FOCAD: variants seen among roughly 807,000 people sequenced by gnomAD.
FOCAD encodes the protein focadhesin.
A neutral mutation model predicts 225.6 loss-of-function variants in FOCAD; 198 were observed. That is an observed-to-expected ratio of 0.88 (90% confidence interval 0.78 to 0.99). FOCAD has a LOEUF of 0.99. Among genes scored for constraint, FOCAD ranks in the 50% least tolerant of loss-of-function variants. FOCAD has a pLI of 0.00. For synonymous variants in FOCAD, 897 were observed against 755.0 expected (o/e 1.19, Z -3.08); for missense variants, 2,713 against 2,123.6 (o/e 1.28, Z -5.46).
intron 35 of FOCAD, among the ~76,000 whole-genome samples, chr9:20,974,826 G>A (rs1052826502): frequency 5.3e-5 from 8 of 152,006 alleles, no homozygotes; most frequent in African/African-American, 1.9e-4. Context: ...CATTTCTGCT[G>A]CTGTTTTCAC....
intron 21 of FOCAD, among the ~76,000 whole-genome samples, chr9:20,893,762 T>C (rs909320322): frequency 2.0e-5 from 3 of 152,028 alleles, no homozygotes; most frequent in African/African-American, 7.2e-5. Flanking sequence ...TATGGAGCAT[T>C]CCCATACAAC....
At chr9:20,975,101 GCTGATGCTAATTTCCTTTCTA>G (rs1051724795) in intron 35 of FOCAD, among the ~76,000 whole-genome samples, 36 of 151,926 alleles carry the variant, frequency 2.4e-4, no homozygotes, top group African/African-American at 8.7e-4. Context: ...TTCTCTTTCT[GCTGATGCTAATTTCCTTTCTA>G]CTGCCGATGT....
chr9:20,763,697 A>T (rs1304350043), intron 6 of FOCAD, among the ~76,000 whole-genome samples: 1 of 152,184 alleles, frequency 6.6e-6, no homozygotes, highest in Non-Finnish European at 1.5e-5. Context: ...TAAAGACCTG[A>T]AAGGAGTTTA....
At chr9:20,775,803 C>A (rs183046631) in intron 8 of FOCAD, among the ~76,000 whole-genome samples, 3 of 152,222 alleles carry the variant, frequency 2.0e-5, no homozygotes, top group Admixed American at 2.0e-4. Context: ...GTTACTGGGA[C>A]TCCTCCGACA....
chr9:20,874,319 A>G (rs1171951393), intron 18 of FOCAD: 1 of 172,842 alleles, frequency 5.8e-6, no homozygotes, highest in Non-Finnish European at 1.2e-5. Context: ...TCTAACTATG[A>G]GCTATAGAAG....
At chr9:20,904,698 A>G (rs1457327595) in intron 21 of FOCAD, among the ~76,000 whole-genome samples, 1 of 152,020 alleles carries the variant, frequency 6.6e-6, no homozygotes, top group Non-Finnish European at 1.5e-5. Flanking sequence ...TATAGAAAAA[A>G]ATTTCACACA....
Position 20,931,922 on chromosome 9 carries a change from G to C in FOCAD, c.3318-1092G>C, listed in dbSNP as rs532244201. 4.6e-5 allele frequency among the ~76,000 whole-genome samples: 7 copies of C among 151,778 alleles called. No individual in the cohort carries two copies. In the South Asian group the frequency reaches 6.2e-4, roughly 14 times the overall value. On this transcript the variant is annotated intron_variant, in intron 27 of 43. Coordinates refer to ENST00000338382, the MANE Select transcript of FOCAD (RefSeq NM_001375567.1). ...TATCTCAAAAAAAAAAAAAAAAAGG[G>C]GGGGAGAATTATGAAAATCATTTCA...
chr9:20,793,490 T>A (rs1390911914), intron 11 of FOCAD, among the ~76,000 whole-genome samples: 1 of 152,192 alleles, frequency 6.6e-6, no homozygotes, highest in East Asian at 1.9e-4. Context: ...TTCTGATTGG[T>A]CTACAGATTA....
intron 24 of FOCAD, among the ~76,000 whole-genome samples, chr9:20,921,333 A>G (rs12353255): frequency 0.63 from 95,472 of 152,042 alleles, 30,525 homozygotes; most frequent in South Asian, 0.7. Context: ...TTTAATTAAA[A>G]CGTCGGTGGT....
At chr9:20,959,701 A>AT (rs1331344986) in intron 35 of FOCAD, among the ~76,000 whole-genome samples, 1 of 151,870 alleles carries the variant, frequency 6.6e-6, no homozygotes, top group African/African-American at 2.4e-5. Flanking sequence ...TTTTGAATTG[A>AT]TTTTTGTAGG....
chr9:20,871,640 G>T (rs1288374567), intron 18 of FOCAD, among the ~76,000 whole-genome samples: 1 of 149,754 alleles, frequency 6.7e-6, no homozygotes, highest in Non-Finnish European at 1.5e-5. Context: ...AATAACCTAT[G>T]GAAATAAAAA....
At chr9:20,774,056 C>T (rs963623182) in intron 8 of FOCAD, among the ~76,000 whole-genome samples, 5 of 152,102 alleles carry the variant, frequency 3.3e-5, no homozygotes, top group South Asian at 4.1e-4. Flanking sequence ...ACTGTGCATG[C>T]GAGGGATCTA....
intron 43 of FOCAD, 144 bp downstream of exon 43, chr9:20,993,472 T>G: frequency 3.0e-6 from 2 of 664,602 alleles, no homozygotes; most frequent in Non-Finnish European, 5.1e-6. Context: ...TTTGGATGTT[T>G]TTGGATTTGG....
intron 11 of FOCAD, among the ~76,000 whole-genome samples, chr9:20,814,621 G>A (rs1183734328): frequency 6.6e-6 from 1 of 151,914 alleles, no homozygotes; most frequent in African/African-American, 2.4e-5. Flanking sequence ...GCCTCCCAGA[G>A]TACTGAGATT....
intron 28 of FOCAD, among the ~76,000 whole-genome samples, chr9:20,943,905 T>G (rs1836916727): frequency 6.6e-6 from 1 of 152,238 alleles, no homozygotes; most frequent in East Asian, 1.9e-4. Context: ...AATTATTTTC[T>G]TTAAATGGAT....
At chr9:20,675,971 G>T (rs1191148675) in intron 2 of FOCAD, among the ~76,000 whole-genome samples, 1 of 152,078 alleles carries the variant, frequency 6.6e-6, no homozygotes, top group African/African-American at 2.4e-5. Flanking sequence ...AACAACTATG[G>T]GCAAATATAT....
intron 35 of FOCAD, among the ~76,000 whole-genome samples, chr9:20,962,079 A>G (rs1490772377): frequency 6.6e-6 from 1 of 152,162 alleles, no homozygotes. Flanking sequence ...TAGTGTAGAA[A>G]AAAATCGTAC....
chr9:20,755,307 G>A (rs1828948097), intron 5 of FOCAD, among the ~76,000 whole-genome samples: 1 of 152,118 alleles, frequency 6.6e-6, no homozygotes, highest in South Asian at 2.1e-4. Context: ...ATTTAGGTCT[G>A]AGATACTAAA....
chr9:20,752,969 T>A (rs889746175), intron 5 of FOCAD, among the ~76,000 whole-genome samples: 6 of 150,034 alleles, frequency 4.0e-5, no homozygotes, highest in African/African-American at 1.5e-4. Context: ...TTGTCTGTTG[T>A]TGGTGTATAA....
Sources: allele counts gnomAD v4.1 joint callset (sites outside exome capture counted in the v4.1 genomes callset), GRCh38; gene constraint gnomAD v4.1.1; transcripts MANE v1.5; gene names NCBI Gene and HGNC (gene_info 2026-07-23, HGNC 2026-07-21).